Variants in PGM2L1 observed in about 807,000 individuals in gnomAD.
The protein encoded by PGM2L1 is glucose 1,6-bisphosphate synthase.
Under a neutral mutation model 73.4 loss-of-function variants are expected in PGM2L1, and 35 were observed. The ratio of observed to expected loss-of-function variants is 0.48; its 90% CI spans 0.36 to 0.63. The LOEUF (loss-of-function observed/expected upper bound fraction) is 0.63, where lower values mean the gene tolerates loss of function less well. PGM2L1 is among the 30% of genes least tolerant of loss of function. The pLI, the probability that PGM2L1 is intolerant of heterozygous loss-of-function variation, is 0.00. For synonymous variants in PGM2L1, 225 were observed against 253.8 expected (o/e 0.89, Z 1.08); for missense variants, 570 against 742.0 (o/e 0.77, Z 2.69).
chr11:74,396,243 G>A (rs1382162312), intron 1 of PGM2L1, among the ~76,000 whole-genome samples: 1 of 137,806 alleles, frequency 7.3e-6, no homozygotes, highest in Non-Finnish European at 1.6e-5. Context: ...ACTCCAGCCT[G>A]GACAACACGG....
intron 1 of PGM2L1, among the ~76,000 whole-genome samples, chr11:74,385,526 C>T (rs1285062615): frequency 2.0e-5 from 3 of 152,026 alleles, no homozygotes; most frequent in Admixed American, 1.3e-4. Context: ...CTCCATTATA[C>T]CAGAAATGTT....
intron 1 of PGM2L1, 34 bp downstream of exon 1, chr11:74,398,017 G>A (rs1331460089): frequency 3.8e-6 from 6 of 1,572,600 alleles, no homozygotes; most frequent in Non-Finnish European, 4.3e-6. Context: ...TGTGGGGGAG[G>A]CGACGGCGTT....
chr11:74,388,488 G>A (rs944640342), intron 1 of PGM2L1, among the ~76,000 whole-genome samples: 7 of 151,862 alleles, frequency 4.6e-5, no homozygotes, highest in African/African-American at 1.7e-4. Context: ...TGGACACTTA[G>A]GCTTTTCCCT....
chr11:74,379,347 T>C (rs1460931707), intron 1 of PGM2L1, among the ~76,000 whole-genome samples: 1 of 152,122 alleles, frequency 6.6e-6, no homozygotes, highest in Non-Finnish European at 1.5e-5. Context: ...ACCACCTCCA[T>C]GACCCAAACG....
In PGM2L1 at chr11:74,336,698, T is replaced by A. The variant is rs36014178; in HGVS notation, c.1823A>T (p.Asn608Ile). The part of the protein sequence containing the change: ...LKKLIDALIE[N>I]FLQPSKNGLI... ...TCCATTCTTACTAGGCTGAAGAAAA[T>A]TCTCTATCAGAGCATCAATGAGTTT... is the stretch of plus-strand genomic sequence containing the variant. The change falls in exon 14 of 14, where the codon AAT (asparagine) becomes ATT (isoleucine). Residue 608 changes from asparagine to isoleucine, a missense_variant. By Grantham distance (149) the Asn-to-Ile change is moderately radical. Transcript: ENST00000298198. The A allele has an allele frequency of 0.037, 60,081 of 1,612,408 alleles. 1,293 individuals carry two copies. The highest frequency in any genetic ancestry group is 0.076 in the Middle Eastern group (457 of 6,052).
intron 9 of PGM2L1, among the ~76,000 whole-genome samples, chr11:74,344,895 A>G (rs1862239420): frequency 6.6e-6 from 1 of 152,214 alleles, no homozygotes; most frequent in African/African-American, 2.4e-5. Flanking sequence ...AAAAATGTCC[A>G]GGGACATTTT....
intron 5 of PGM2L1, among the ~76,000 whole-genome samples, chr11:74,367,419 T>A (rs1862677734): frequency 6.6e-6 from 1 of 152,168 alleles, no homozygotes; most frequent in Non-Finnish European, 1.5e-5. Flanking sequence ...AAGACAACAA[T>A]GGTTTAGAAT....
intron 13 of PGM2L1, among the ~76,000 whole-genome samples, chr11:74,338,054 A>G (rs1862123769): frequency 1.3e-5 from 2 of 152,246 alleles, no homozygotes; most frequent in South Asian, 4.1e-4. Context: ...GCAATGGAAT[A>G]TTGTTGGGCC....
chr11:74,392,192 A>G (rs984032543), intron 1 of PGM2L1, among the ~76,000 whole-genome samples: 1 of 152,192 alleles, frequency 6.6e-6, no homozygotes, highest in African/African-American at 2.4e-5. Context: ...TAAGGAGCAA[A>G]CTGAGGAAAA....
At chr11:74,364,896 T>C (rs1170159707) in intron 5 of PGM2L1, among the ~76,000 whole-genome samples, 12 of 151,976 alleles carry the variant, frequency 7.9e-5, no homozygotes, top group African/African-American at 2.2e-4. Flanking sequence ...AAAAAGAGCC[T>C]GCATTGCCAA....
chr11:74,356,993 C>T (rs1862468342), intron 5 of PGM2L1, among the ~76,000 whole-genome samples: 1 of 152,038 alleles, frequency 6.6e-6, no homozygotes, highest in African/African-American at 2.4e-5. Context: ...GCCACCATGT[C>T]CAGCTGATTT....
intron 4 of PGM2L1, among the ~76,000 whole-genome samples, 153 bp from the exon 5 acceptor site, chr11:74,368,728 C>G (rs1217711565): frequency 6.6e-6 from 1 of 151,990 alleles, no homozygotes; most frequent in Non-Finnish European, 1.5e-5. Flanking sequence ...TTGATTTTTC[C>G]TCATACCTTT....
At chr11:74,354,703 A>G in intron 5 of PGM2L1, 2 of 1,086,814 alleles carry the variant, frequency 1.8e-6, no homozygotes, top group Non-Finnish European at 2.8e-6. Flanking sequence ...GGAACCAAAG[A>G]GAGCTGTTTC....
Position 74,334,460 on chromosome 11 carries a change from T to C in PGM2L1, c.*2192A>G, listed in dbSNP as rs975684591. On this transcript the variant is annotated 3_prime_UTR_variant, in exon 14 of 14. Coordinates refer to ENST00000298198, the MANE Select transcript of PGM2L1 (RefSeq NM_173582.6). Reference sequence around the variant, plus strand: ...CACATTTTAAAAATAAAACAAAAATTCTACACATATCTTCTCCAGTGCAAA... The same window carrying C: ...CACATTTTAAAAATAAAACAAAAATCCTACACATATCTTCTCCAGTGCAAA... 48 of 152,190 alleles carry C rather than the reference T, an allele frequency of 3.2e-4. 1 individual carries two copies. Among genetic ancestry groups the C allele is most frequent in the African/African-American group, 1.1e-3 (47 of 41,458 alleles). The allele number at this position is 152,190 out of a possible 1,614,324, so 9.4% of individuals were successfully genotyped here. A position where few individuals can be genotyped will look rare whatever the true frequency, so the allele number is the denominator to read the frequency against.
Position 74,398,075 on chromosome 11 carries a change from G to T in PGM2L1, c.87C>A (p.Ile29=). Residue 29 remains isoleucine, a synonymous_variant, in exon 1 of 14, where the codon ATC becomes ATA. Coordinates refer to ENST00000298198, the MANE Select transcript of PGM2L1 (RefSeq NM_173582.6). ...CCTTATCCCAGCGGAGCCACTGCCC[G>T]ATGGCCGTGTCCAGCTGAGGGTCCC... ...HTGDPQLDTA[I]GQWLRWDKNP... 1.2e-6 allele frequency: 2 copies of T among 1,611,828 alleles called. No individual in the cohort carries two copies. Among genetic ancestry groups the T allele is most frequent in the South Asian group, 2.2e-5 (2 of 90,802 alleles).
rs655719 is a variant in PGM2L1, at chr11:74,331,196, A to G, written c.*5456T>C. 109,253 of 151,560 alleles carry G rather than the reference A, an allele frequency of 0.72. 39,581 individuals carry two copies. The highest frequency in any genetic ancestry group is 0.81 in the East Asian group (4,163 of 5,150). 9.4% of individuals were successfully genotyped at this position (151,560 alleles called of 1,614,324 possible). A position where few individuals can be genotyped will look rare whatever the true frequency, so the allele number is the denominator to read the frequency against. On this transcript the variant is annotated 3_prime_UTR_variant, in exon 14 of 14. Coordinates refer to ENST00000298198, the MANE Select transcript of PGM2L1 (RefSeq NM_173582.6). Reference sequence around the variant, plus strand: ...CTGTTTCAGGTCAGTTTAGTTTGGCATTAATCCTTCTGAAGGTCAGATTCC... The same window carrying G: ...CTGTTTCAGGTCAGTTTAGTTTGGCGTTAATCCTTCTGAAGGTCAGATTCC...
At chr11:74,357,079 C>T (rs1451768229) in intron 5 of PGM2L1, among the ~76,000 whole-genome samples, 1 of 152,084 alleles carries the variant, frequency 6.6e-6, no homozygotes, top group Admixed American at 6.6e-5. Flanking sequence ...AAACTCCTGA[C>T]CTCAGGCAAT....
rs372533236 is a variant in PGM2L1 at position 74,341,457 on chromosome 11, C to T, written c.1632+1004G>A. On this transcript the variant is annotated intron_variant, in intron 12 of 13. Transcript: ENST00000298198. ...CTGTAATCCTAGCATTTTGGGAGGC[C>T]GAGGTGGGCAGATCACTTGGGGTCA... Among the ~76,000 whole-genome samples the T allele has an allele frequency of 5.3e-5, 8 of 152,084 alleles. No homozygotes were observed. In the East Asian group the frequency reaches 7.7e-4, roughly 15 times the overall value.
intron 1 of PGM2L1, among the ~76,000 whole-genome samples, chr11:74,393,861 A>C (rs564569248): frequency 1.3e-5 from 2 of 152,296 alleles, no homozygotes; most frequent in South Asian, 4.1e-4. Flanking sequence ...TACATATAGG[A>C]CTGCTTTTAA....
Sources: gnomAD v4.1 joint callset for allele counts (sites outside exome capture counted in the v4.1 genomes callset) on GRCh38, gnomAD v4.1.1 for gene constraint, MANE v1.5 for transcripts, NCBI Gene and HGNC (gene_info 2026-07-23, HGNC 2026-07-21) for gene names.